Variants in FRMD5 observed in about 807,000 individuals in gnomAD.
FRMD5 encodes FERM domain containing 5.
FRMD5 carries 20 observed loss-of-function variants against 69.0 expected under a neutral mutation model. That is an observed-to-expected ratio of 0.29 (90% confidence interval 0.20 to 0.42). The LOEUF (loss-of-function observed/expected upper bound fraction) is 0.42. FRMD5 is among the 10% of genes least tolerant of loss of function. The probability of loss-of-function intolerance (pLI) is 1.00; values close to 1 mark genes in which losing one functional copy is unlikely to be tolerated. For synonymous variants in FRMD5, 271 were observed against 260.1 expected (o/e 1.04, Z -0.40); for missense variants, 595 against 708.6 (o/e 0.84, Z 1.82).
chr15:43,874,727 C>T, intron 13 of FRMD5, among the ~76,000 whole-genome samples: 1 of 151,752 alleles, frequency 6.6e-6, no homozygotes. Flanking sequence ...TGGTGAAACC[C>T]CATCTCAACT....
intron 1 of FRMD5, among the ~76,000 whole-genome samples, chr15:43,978,096 G>A (rs560268854): frequency 6.8e-4 from 104 of 152,184 alleles, no homozygotes; most frequent in African/African-American, 2.4e-3. Context: ...ATTCCTGACC[G>A]GGACCGCTTG....
intron 1 of FRMD5, among the ~76,000 whole-genome samples, chr15:44,100,201 G>A (rs2076617861): frequency 6.6e-6 from 1 of 151,278 alleles, no homozygotes; most frequent in Non-Finnish European, 1.5e-5. Flanking sequence ...CTACAGGCAT[G>A]TGCCACCACA....
intron 1 of FRMD5, among the ~76,000 whole-genome samples, chr15:44,106,369 G>A (rs2076718198): frequency 6.6e-6 from 1 of 152,108 alleles, no homozygotes; most frequent in Admixed American, 6.5e-5. Flanking sequence ...ACTGTTCCCT[G>A]CCATATCTCC....
chr15:44,189,098 TCA>T (rs1487902679), intron 1 of FRMD5, among the ~76,000 whole-genome samples: 1 of 152,224 alleles, frequency 6.6e-6, no homozygotes, highest in Non-Finnish European at 1.5e-5. Context: ...AGAACTTGAT[TCA>T]CACAAGTTTG....
At chr15:43,891,544 G>A (rs150230539) in intron 8 of FRMD5, among the ~76,000 whole-genome samples, 1 of 152,318 alleles carries the variant, frequency 6.6e-6, no homozygotes, top group East Asian at 1.9e-4. Flanking sequence ...TGCCCCAGAG[G>A]TCACTGTCTG....
chr15:44,034,202 G>A (rs1021275579), intron 1 of FRMD5, among the ~76,000 whole-genome samples: 2 of 152,202 alleles, frequency 1.3e-5, no homozygotes, highest in Non-Finnish European at 2.9e-5. Context: ...CCTTAGGCAG[G>A]TGTCTAATTG....
At chr15:44,116,540 T>A (rs943818552) in intron 1 of FRMD5, among the ~76,000 whole-genome samples, 1 of 152,160 alleles carries the variant, frequency 6.6e-6, no homozygotes, top group Non-Finnish European at 1.5e-5. Flanking sequence ...AGATGTCAAG[T>A]AGACATGTTG....
At position 43,940,498 on chromosome 15, in the gene FRMD5, G is replaced by T. The variant is rs138916386; in HGVS notation, c.103-16189C>A. Among the ~76,000 whole-genome samples, 38 of 152,246 alleles carry T rather than the reference G, an allele frequency of 2.5e-4. 2 individuals are homozygous for T. Among genetic ancestry groups the T allele is most frequent in the African/African-American group, 8.7e-4 (36 of 41,552 alleles). ...AAGAGAGGTATGTACAAGGTACAGG[G>T]GTAGTTTGGTGGGAGTGAGACCATC... is the stretch of plus-strand genomic sequence containing the variant. On this transcript the variant is annotated intron_variant, in intron 1 of 13. Coordinates refer to ENST00000417257, the MANE Select transcript of FRMD5 (RefSeq NM_032892.5).
At chr15:44,159,326 G>A (rs1566977015) in intron 1 of FRMD5, among the ~76,000 whole-genome samples, 1 of 152,276 alleles carries the variant, frequency 6.6e-6, no homozygotes, top group South Asian at 2.1e-4. Flanking sequence ...AGAAAGGACT[G>A]AGATGCAACA....
chr15:43,919,385 C>T, intron 4 of FRMD5, 74 bp downstream of exon 4: 1 of 1,292,596 alleles, frequency 7.7e-7, no homozygotes, highest in Non-Finnish European at 1.1e-6. Context: ...ATGAGAGGCT[C>T]TAAGAGGTCA....
intron 1 of FRMD5, among the ~76,000 whole-genome samples, chr15:44,176,180 A>G (rs1361287397): frequency 6.6e-6 from 1 of 152,206 alleles, no homozygotes; most frequent in Non-Finnish European, 1.5e-5. Context: ...AATAAAGGTA[A>G]ATAGATAGAT....
chr15:44,045,734 G>A (rs1428761410), intron 1 of FRMD5, among the ~76,000 whole-genome samples: 1 of 152,146 alleles, frequency 6.6e-6, no homozygotes, highest in Non-Finnish European at 1.5e-5. Context: ...AGAAGGAGAA[G>A]AGCAGAAAGG....
chr15:44,056,305 T>C (rs932882497), intron 1 of FRMD5, among the ~76,000 whole-genome samples: 2 of 152,136 alleles, frequency 1.3e-5, no homozygotes, highest in Non-Finnish European at 2.9e-5. Context: ...AGAAAAAATC[T>C]GAAGTAATAT....
intron 1 of FRMD5, among the ~76,000 whole-genome samples, chr15:44,047,456 G>A (rs1892477933): frequency 6.6e-6 from 1 of 152,086 alleles, no homozygotes. Flanking sequence ...TCCTAGGCCT[G>A]TGGAAAGTTT....
intron 1 of FRMD5, among the ~76,000 whole-genome samples, chr15:44,147,959 A>G (rs1248607824): frequency 6.6e-6 from 1 of 152,188 alleles, no homozygotes; most frequent in East Asian, 1.9e-4. Context: ...CTGTGCTTTC[A>G]GTGCTGATTG....
intron 10 of FRMD5, among the ~76,000 whole-genome samples, chr15:43,887,474 C>T (rs2088690812): frequency 6.6e-6 from 1 of 152,226 alleles, no homozygotes; most frequent in Non-Finnish European, 1.5e-5. Flanking sequence ...CGAGTATATT[C>T]AGGAGAAGAA....
At chr15:43,944,868 C>T (rs983743857) in intron 1 of FRMD5, among the ~76,000 whole-genome samples, 3 of 152,192 alleles carry the variant, frequency 2.0e-5, no homozygotes, top group African/African-American at 4.8e-5. Context: ...GAATTTTCCT[C>T]CTCATTTTCC....
intron 1 of FRMD5, among the ~76,000 whole-genome samples, chr15:43,988,303 C>A (rs570983760): frequency 6.6e-6 from 1 of 151,924 alleles, no homozygotes; most frequent in South Asian, 2.1e-4. Flanking sequence ...TGAGGCAAGA[C>A]CCTTTTGCAG....
chr15:44,062,084 A>G (rs1893111708), intron 1 of FRMD5, among the ~76,000 whole-genome samples: 1 of 152,196 alleles, frequency 6.6e-6, no homozygotes. Flanking sequence ...TTGCTGCAAC[A>G]TATTTAGATA....
Sources: gnomAD v4.1 joint callset for allele counts (sites outside exome capture counted in the v4.1 genomes callset) on GRCh38, gnomAD v4.1.1 for gene constraint, MANE v1.5 for transcripts, NCBI Gene and HGNC (gene_info 2026-07-23, HGNC 2026-07-21) for gene names.